Variants in CD34 observed in about 807,000 individuals in gnomAD.
The protein encoded by CD34 is hematopoietic progenitor cell antigen CD34.
A neutral mutation model predicts 40.1 loss-of-function variants in CD34; 34 were observed. The observed-to-expected ratio is 0.85, with a 90% CI of 0.65 to 1.13. CD34 has a LOEUF of 1.13. CD34 is among the 50% of genes most tolerant of loss of function. The pLI is 0.00. For missense variants in CD34, 426 were observed against 466.9 expected (o/e 0.91, Z 0.81); for synonymous variants, 209 against 190.0 (o/e 1.10, Z -0.82).
In CD34 at chr1:207,884,354, A is replaced by C. The variant is rs912666998; in HGVS notation, c.*3384T>G. ...TATACTTACTGAGATGACATTGTTT[A>C]CTGTCCTCTTCTGCTAGAATTATAA... On this transcript the variant is annotated 3_prime_UTR_variant, in exon 8 of 8. Coordinates refer to ENST00000310833, the MANE Select transcript of CD34 (RefSeq NM_001025109.2). 5 of 152,246 alleles carry C rather than the reference A, an allele frequency of 3.3e-5. No homozygotes were observed. Among genetic ancestry groups the C allele is most frequent in the African/African-American group, 1.2e-4 (5 of 41,468 alleles). The allele number at this position is 152,246 out of a possible 1,614,324, so 9.4% of individuals were successfully genotyped here. A position where few individuals can be genotyped will look rare whatever the true frequency, so the allele number is the denominator to read the frequency against.
At chr1:207,908,337 C>G (rs576548341) in intron 1 of CD34, among the ~76,000 whole-genome samples, 6 of 152,352 alleles carry the variant, frequency 3.9e-5, no homozygotes, top group African/African-American at 1.4e-4. Context: ...AAAGGTGGTG[C>G]CAACTGGGTT....
chr1:207,897,176 C>A (rs1662167672), intron 4 of CD34, among the ~76,000 whole-genome samples: 1 of 151,868 alleles, frequency 6.6e-6, no homozygotes, highest in African/African-American at 2.4e-5. Flanking sequence ...TTAAATCTGA[C>A]TCTCTCAGAT....
chr1:207,892,585 C>CA (rs970431353), intron 4 of CD34, among the ~76,000 whole-genome samples: 176 of 135,078 alleles, frequency 1.3e-3, no homozygotes, highest in Admixed American at 5.8e-3. Flanking sequence ...GACTCTGTCT[C>CA]AAAAAAAAAA....
chr1:207,889,091 TC>T (rs1200038807), intron 6 of CD34, 69 bp downstream of exon 6: 25 of 1,012,046 alleles, frequency 2.5e-5, no homozygotes, highest in African/African-American at 1.1e-4. Context: ...GATAATGACT[TC>T]CCCCCTTACT....
intron 4 of CD34, among the ~76,000 whole-genome samples, chr1:207,893,891 A>G (rs1662086031): frequency 6.6e-6 from 1 of 152,212 alleles, no homozygotes; most frequent in African/African-American, 2.4e-5. Flanking sequence ...ACCCATTAGG[A>G]TGGCTGCTAT....
chr1:207,904,424 A>G (rs1662337863), intron 1 of CD34, among the ~76,000 whole-genome samples: 1 of 152,242 alleles, frequency 6.6e-6, no homozygotes, highest in Non-Finnish European at 1.5e-5. Context: ...GGTATAGCCC[A>G]GAGACAAAGA....
At chr1:207,905,273 C>T (rs1662351922) in intron 1 of CD34, among the ~76,000 whole-genome samples, 1 of 152,186 alleles carries the variant, frequency 6.6e-6, no homozygotes, top group Non-Finnish European at 1.5e-5. Context: ...GTAGCTGAGA[C>T]TACAGGCATG....
At chr1:207,900,392 C>T (rs1020782833) in intron 1 of CD34, among the ~76,000 whole-genome samples, 1 of 152,162 alleles carries the variant, frequency 6.6e-6, no homozygotes. Flanking sequence ...AGGTGATGTT[C>T]ATAGTATGTT....
At chr1:207,898,472 G>T (rs1300726792) in intron 3 of CD34, among the ~76,000 whole-genome samples, 1 of 152,182 alleles carries the variant, frequency 6.6e-6, no homozygotes, top group Admixed American at 6.5e-5. Context: ...AGAAGGCCAG[G>T]CTGAGCTCAC....
chr1:207,890,149 AT>A, intron 4 of CD34: 1 of 1,053,502 alleles, frequency 9.5e-7, no homozygotes. Flanking sequence ...CTGAAATGGC[AT>A]TTTTGTCTCG....
Position 207,889,602 on chromosome 1 carries a change from C to A in CD34, c.617G>T (p.Arg206Met). The change falls in exon 5 of 8, where the codon AGG (arginine) becomes ATG (methionine). Residue 206 changes from arginine (R) to methionine (M), a missense_variant. Arg to Met is a moderately conservative substitution (Grantham distance 91). Transcript: ENST00000310833. ...TSSCAEFKKD[R>M]GEGLARVLCG... is the part of the protein sequence containing the mutation. Reference sequence around the variant, plus strand: ...CAGCACTCGGGCCAGGCCCTCTCCCCTGTCCTTCTTAAACTCCGCCTGGGA... The same window carrying A: ...CAGCACTCGGGCCAGGCCCTCTCCCATGTCCTTCTTAAACTCCGCCTGGGA... 6.2e-7 allele frequency: 1 copy of A among 1,612,708 alleles called. No homozygotes were observed. The highest frequency in any genetic ancestry group is 1.7e-4 in the Middle Eastern group (1 of 6,054).
rs28362497 is a variant in CD34 at position 207,887,797 on chromosome 1, C to A, written c.1099G>T (p.Ala367Ser). ...RGAQENGTGQ[A>S]TSRNGHSARQ... ...GCTGAATGGCCGTTTCTGGAGGTGGCCTGGCCGGTCCCGTTTTCCTGAGCC... is the reference window on the plus strand; with the variant it reads ...GCTGAATGGCCGTTTCTGGAGGTGGACTGGCCGGTCCCGTTTTCCTGAGCC... The change falls in exon 8 of 8, where the codon GCC (alanine) becomes TCC (serine). Residue 367 changes from alanine to serine, a missense_variant. Ala to Ser is a moderately conservative substitution (Grantham distance 99). Transcript: ENST00000310833. 9.3e-4 allele frequency: 1,500 copies of A among 1,614,182 alleles called. 26 individuals are homozygous for A. In the East Asian group the frequency reaches 0.032, roughly 34 times the overall value.
intron 1 of CD34, among the ~76,000 whole-genome samples, chr1:207,907,002 G>T (rs1347285302): frequency 3.3e-5 from 5 of 151,976 alleles, no homozygotes; most frequent in African/African-American, 1.2e-4. Context: ...CCTGGGTTGT[G>T]GCTCCATGGC....
intron 4 of CD34, chr1:207,890,307 A>T (rs1662006045): frequency 1.1e-6 from 1 of 882,090 alleles, no homozygotes; most frequent in African/African-American, 1.8e-5. Context: ...GTGAGTCAGA[A>T]TTTATTCCAG....
chr1:207,889,826 A>G, intron 4 of CD34: 2 of 1,578,592 alleles, frequency 1.3e-6, no homozygotes, highest in African/African-American at 1.4e-5. Context: ...ATCTCCCAGG[A>G]CCAAAATCCA....
rs1661908761 is a variant in CD34, at chr1:207,886,913, A to C, written c.*825T>G. On this transcript the variant is annotated 3_prime_UTR_variant, in exon 8 of 8. Coordinates refer to ENST00000310833, the MANE Select transcript of CD34 (RefSeq NM_001025109.2). ...AGATCAGAGGATAAGGCTAGGATCC[A>C]GCCTCAGAGGAAGAGGATTTTTCGG... 1 of 152,506 alleles carries C rather than the reference A, an allele frequency of 6.6e-6. No individual in the cohort carries two copies. The highest frequency in any genetic ancestry group is 2.4e-5 in the African/African-American group (1 of 41,460). 9.4% of individuals were successfully genotyped at this position (152,506 alleles called of 1,614,324 possible). A position where few individuals can be genotyped will look rare whatever the true frequency, so the allele number is the denominator to read the frequency against.
chr1:207,899,887 T>C lies in CD34; in HGVS notation c.196A>G (p.Thr66Ala). 1 of 1,614,044 alleles carries C rather than the reference T, an allele frequency of 6.2e-7. No individual in the cohort carries two copies. Among genetic ancestry groups the C allele is most frequent in the Non-Finnish European group, 8.5e-7 (1 of 1,179,946 alleles). ...VSYQETTTPS[T>A]LGSTSLHPVS... ...GGGTGCAGGCTGGTACTTCCAAGGG[T>C]ACTAGGTGTTGTAGTTTCTTGGTAG... Residue 66 changes from threonine (T) to alanine (A), a missense_variant, in exon 2 of 8, where the codon ACC becomes GCC. Physicochemically the swap from Thr to Ala is moderately conservative, Grantham distance 58. Transcript: ENST00000310833.
intron 4 of CD34, among the ~76,000 whole-genome samples, chr1:207,894,495 C>T (rs1265803741): frequency 1.3e-5 from 2 of 152,184 alleles, no homozygotes; most frequent in African/African-American, 2.4e-5. Context: ...CTTACTACTA[C>T]TCAATGGTAC....
At chr1:207,905,501 T>A (rs534484356) in intron 1 of CD34, among the ~76,000 whole-genome samples, 94 of 152,312 alleles carry the variant, frequency 6.2e-4, no homozygotes, top group African/African-American at 2.1e-3. Flanking sequence ...AAACCATATA[T>A]GGCCCCTAAA....
Sources: allele counts gnomAD v4.1 joint callset (sites outside exome capture counted in the v4.1 genomes callset), GRCh38; gene constraint gnomAD v4.1.1; transcripts MANE v1.5; gene names NCBI Gene and HGNC (gene_info 2026-07-23, HGNC 2026-07-21).